Variants in EMC10 observed in about 807,000 individuals in gnomAD.
EMC10 encodes the protein ER membrane protein complex subunit 10.
EMC10 carries 40 observed loss-of-function variants against 32.2 expected under a neutral mutation model. The ratio of observed to expected loss-of-function variants is 1.24; its 90% CI spans 0.96 to 1.61. EMC10 has a LOEUF of 1.61. Ranked by LOEUF, EMC10 falls within the 40% of genes most tolerant of loss-of-function variation. EMC10 has a pLI of 0.00. For synonymous variants in EMC10, 178 were observed against 158.4 expected (o/e 1.12, Z -0.93); for missense variants, 402 against 357.7 (o/e 1.12, Z -1.00).
rs375662086 is a variant in EMC10, at chr19:50,480,786, C to T, written c.584+24C>T. The T allele has an allele frequency of 1.1e-4, 173 of 1,570,982 alleles. No homozygotes were observed. Among genetic ancestry groups the T allele is most frequent in the South Asian group, 5.2e-4 (44 of 84,378 alleles). ...GGGTGAGCCTCTGCTGCCTTCGCGG[C>T]GCTCTTGCCACCTGCCCCGGCCCTT... On this transcript the variant is annotated intron_variant, in intron 5 of 6. Transcript: ENST00000334976. The surrounding 1 kb of genome is among the most constrained non-coding windows in gnomAD (Gnocchi z 4.4).
chr19:50,481,130 T>C (rs578151972), intron 6 of EMC10, 153 bp downstream of exon 6: 2 of 624,852 alleles, frequency 3.2e-6, no homozygotes, highest in East Asian at 5.8e-5. Context: ...GGGCTGAGGC[T>C]TGTTTGCAGG....
intron 2 of EMC10, among the ~76,000 whole-genome samples, 174 bp downstream of exon 2, chr19:50,478,175 C>G (rs536204492): frequency 6.6e-6 from 1 of 152,164 alleles, no homozygotes; most frequent in South Asian, 2.1e-4. Flanking sequence ...CTTTAAATGC[C>G]CCCTTGCCTG....
In EMC10 at chr19:50,481,686, AC is replaced by A. The variant is rs2040321396; in HGVS notation, c.679-460del. The A allele has an allele frequency of 5.0e-6, 3 of 596,584 alleles. No individual in the cohort carries two copies. The East Asian group carries it at 9.0e-5, about 18-fold the overall frequency. 37.0% of individuals were successfully genotyped at this position (596,584 alleles called of 1,614,324 possible). A position where few individuals can be genotyped will look rare whatever the true frequency, so the allele number is the denominator to read the frequency against. On this transcript the variant is annotated intron_variant, in intron 6 of 6. Transcript: ENST00000334976. The stretch of plus-strand genomic sequence containing the variant: ...GCTGAGTGCCCTGCCTGAGGGCCTC[AC>A]CCGCTCCGCCTGGATAGTCCAACAG...
Position 50,480,300 on chromosome 19 carries a change from G to A in EMC10, c.402+85G>A. ...TCCTGCTTCCACCATTCGAACCCCT[G>A]TGTTTCTGGAGCCCGCAGAGGCCTG... On this transcript the variant is annotated intron_variant, in intron 4 of 6. Coordinates refer to ENST00000334976, the MANE Select transcript of EMC10 (RefSeq NM_206538.4). This position sits in a 1 kb window ranked among gnomAD's most constrained non-coding sequence, Gnocchi z 4.4. The A allele has an allele frequency of 1.5e-6, 2 of 1,378,378 alleles. No individual in the cohort carries two copies. Among genetic ancestry groups the A allele is most frequent in the East Asian group, 2.4e-5 (1 of 41,066 alleles). 85.4% of individuals were successfully genotyped at this position (1,378,378 alleles called of 1,614,324 possible).
rs948999880 is a variant in EMC10, at chr19:50,487,320, G to T, written c.*5061G>T. On this transcript the variant is annotated 3_prime_UTR_variant, in exon 7 of 7. Transcript: ENST00000334976. ...TCACTGAGCTCAGATAGGAGGCCAG[G>T]GATCGGCAGATTCAGGAGCCCACTC... 6.6e-6 allele frequency: 1 copy of T among 152,256 alleles called. No individual in the cohort carries two copies. The highest frequency in any genetic ancestry group is 1.5e-5 in the Non-Finnish European group (1 of 68,100). The allele number at this position is 152,256 out of a possible 1,614,324, so 9.4% of individuals were successfully genotyped here.
Position 50,480,962 on chromosome 19 carries a change from C to T in EMC10, c.663C>T (p.Ser221=), listed in dbSNP as rs2040310964. ...CCAAGAACCCCCAGGAGCAGAAGTC[C>T]TTCTTCGCCAAATACGTGAGTGGGG... ...QKAKNPQEQK[S]FFAKYWMYII... The change falls in exon 6 of 7, where the codon TCC becomes TCT. Residue 221 remains serine (S), a synonymous_variant. Coordinates refer to ENST00000334976, the MANE Select transcript of EMC10 (RefSeq NM_206538.4). The surrounding 1 kb of genome is among the most constrained non-coding windows in gnomAD (Gnocchi z 4.4). The T allele has an allele frequency of 1.9e-6, 3 of 1,612,092 alleles. No individual in the cohort carries two copies. Among genetic ancestry groups the T allele is most frequent in the East Asian group, 2.2e-5 (1 of 44,828 alleles).
At chr19:50,476,737 G>A in intron 1 of EMC10, 79 bp downstream of exon 1, 1 of 902,180 alleles carries the variant, frequency 1.1e-6, no homozygotes, top group Non-Finnish European at 1.6e-6. Flanking sequence ...AGTTACAGAC[G>A]GAAGGAGGCT....
rs761738375 is a variant in EMC10, at chr19:50,476,635, C to T, written c.91C>T (p.Arg31Trp). The T allele has an allele frequency of 1.9e-5, 29 of 1,544,508 alleles. No individual in the cohort carries two copies. The Admixed American group carries it at 5.2e-4, about 28-fold the overall frequency. ...APSRARGSGC[R>W]AGTGARGAGA... ...CAGTCGAGCCCGGGGCAGCGGCTGC[C>T]GGGCCGGGACTGGTGCGCGAGGGGT... Residue 31 changes from arginine (R) to tryptophan (W), a missense_variant, in exon 1 of 7, where the codon CGG (arginine) becomes TGG (tryptophan). Transcript: ENST00000334976.
chr19:50,480,715 G>T lies in EMC10; in HGVS notation c.537G>T (p.Glu179Asp). ...ATGAGGTGGAGGACGTGGACCTGGA[G>T]CTGTTCAACACCTCGGTGCAGCTGC... is the stretch of plus-strand genomic sequence containing the variant. ...RGHEVEDVDL[E>D]LFNTSVQLQP... The change falls in exon 5 of 7, where the codon GAG (glutamate) becomes GAT (aspartate). Residue 179 changes from glutamate to aspartate, a missense_variant. Transcript: ENST00000334976. The surrounding 1 kb of genome is among the most constrained non-coding windows in gnomAD (Gnocchi z 4.4). 6.2e-7 allele frequency: 1 copy of T among 1,606,366 alleles called. No homozygotes were observed. Among genetic ancestry groups the T allele is most frequent in the Non-Finnish European group, 8.5e-7 (1 of 1,177,454 alleles).
rs1184719617 is a variant in EMC10, at chr19:50,482,808, T to C, written c.*549T>C. 1.5e-5 allele frequency: 8 copies of C among 526,252 alleles called. No homozygotes were observed. Among genetic ancestry groups the C allele is most frequent in the Non-Finnish European group, 2.3e-5 (7 of 299,164 alleles). The allele number at this position is 526,252 out of a possible 1,614,324, so 32.6% of individuals were successfully genotyped here. The stretch of plus-strand genomic sequence containing the variant: ...GGCAGAGGCATGAAAGAGTCGGGGC[T>C]GGATGGCCGGGGGCTTCTGGGCCCG... On this transcript the variant is annotated 3_prime_UTR_variant, in exon 7 of 7. Coordinates refer to ENST00000334976, the MANE Select transcript of EMC10 (RefSeq NM_206538.4).
intron 3 of EMC10, 124 bp from the exon 4 acceptor site, chr19:50,479,987 G>T: frequency 1.3e-6 from 1 of 759,726 alleles, no homozygotes; most frequent in Non-Finnish European, 2.1e-6. Context: ...TGGCTGGCCT[G>T]GGGAGTGTGG....
intron 1 of EMC10, among the ~76,000 whole-genome samples, chr19:50,477,643 T>C (rs2040249446): frequency 6.6e-6 from 1 of 152,172 alleles, no homozygotes; most frequent in African/African-American, 2.4e-5. Context: ...GTCATTTAAC[T>C]CATGAGTATT....
Position 50,489,081 on chromosome 19 carries a change from G to A in EMC10, c.*6822G>A, listed in dbSNP as rs1978510456. 6.7e-6 allele frequency: 1 copy of A among 150,272 alleles called. No homozygotes were observed. Among genetic ancestry groups the A allele is most frequent in the Admixed American group, 6.6e-5 (1 of 15,102 alleles). The allele number at this position is 150,272 out of a possible 1,614,324, so 9.3% of individuals were successfully genotyped here. A position where few individuals can be genotyped will look rare whatever the true frequency, so the allele number is the denominator to read the frequency against. ...AGATAGGGGAAAAGAGAAAAGGAGG[G>A]TAGGAGAGGGCTGGAGAGAGAAGGG... On this transcript the variant is annotated 3_prime_UTR_variant, in exon 7 of 7. Coordinates refer to ENST00000334976, the MANE Select transcript of EMC10 (RefSeq NM_206538.4).
At position 50,480,876 on chromosome 19, in the gene EMC10, T is replaced by C. The variant is rs539247639; in HGVS notation, c.585-8T>C. Reference sequence around the variant, plus strand: ...CCTCACCCTTCTCCTCCTCTCCCCTTGCCCCAGCCCTGAGACGGCGGCCTT... The same window carrying C: ...CCTCACCCTTCTCCTCCTCTCCCCTCGCCCCAGCCCTGAGACGGCGGCCTT... On this transcript the variant is annotated splice_polypyrimidine_tract_variant and splice_region_variant and intron_variant, in intron 5 of 6. Coordinates refer to ENST00000334976, the MANE Select transcript of EMC10 (RefSeq NM_206538.4). This position sits in a 1 kb window ranked among gnomAD's most constrained non-coding sequence, Gnocchi z 4.4. The C allele has an allele frequency of 6.3e-7, 1 of 1,597,598 alleles. No homozygotes were observed. The highest frequency in any genetic ancestry group is 8.6e-7 in the Non-Finnish European group (1 of 1,169,198).
At position 50,486,547 on chromosome 19, in the gene EMC10, G is replaced by A. The variant is rs900511124; in HGVS notation, c.*4288G>A. 18 of 152,050 alleles carry A rather than the reference G, an allele frequency of 1.2e-4. No individual in the cohort carries two copies. The highest frequency in any genetic ancestry group is 3.9e-4 in the African/African-American group (16 of 41,386). 9.4% of individuals were successfully genotyped at this position (152,050 alleles called of 1,614,324 possible). ...GGTAAGGATTAGGGGCTAATTACTGGTGCCTCTTCAGCTGTCAGTCCATCC... is the reference window on the plus strand; with the variant it reads ...GGTAAGGATTAGGGGCTAATTACTGATGCCTCTTCAGCTGTCAGTCCATCC... On this transcript the variant is annotated 3_prime_UTR_variant, in exon 7 of 7. Transcript: ENST00000334976.
rs1568689790 is a variant in EMC10, at chr19:50,485,213, G to C, written c.*2954G>C. ...GCCCGGTGGGGCCCCACCTTGCTGG[G>C]GGAGAGGGATGTGTGTGTGATGGTG... On this transcript the variant is annotated 3_prime_UTR_variant, in exon 7 of 7. Coordinates refer to ENST00000334976, the MANE Select transcript of EMC10 (RefSeq NM_206538.4). The C allele has an allele frequency of 6.6e-6, 1 of 152,194 alleles. No individual in the cohort carries two copies. The highest frequency in any genetic ancestry group is 1.5e-5 in the Non-Finnish European group (1 of 68,080). The allele number at this position is 152,194 out of a possible 1,614,324, so 9.4% of individuals were successfully genotyped here.
chr19:50,477,931 T>C lies in EMC10; in HGVS notation c.117T>C (p.Ala39=). 1.3e-6 allele frequency: 2 copies of C among 1,598,292 alleles called. No individual in the cohort carries two copies. Among genetic ancestry groups the C allele is most frequent in the Non-Finnish European group, 1.7e-6 (2 of 1,175,202 alleles). The change falls in exon 2 of 7, where the codon GCT becomes GCC. Residue 39 remains alanine, a splice_region_variant and synonymous_variant. Transcript: ENST00000334976. ...GGGGCCTTCTGTGTCCTCTGCAGGC[T>C]GGGGCGGAAGGTCGAGAGGGCGAGG... ...GCRAGTGARG[A]GAEGREGEAC...
chr19:50,476,721 T>G (rs528745995), intron 1 of EMC10, 63 bp downstream of exon 1: 6 of 1,059,648 alleles, frequency 5.7e-6, no homozygotes, highest in Non-Finnish European at 7.8e-6. Context: ...CTTGGGTCTT[T>G]AGGTGAGTTA....
In EMC10 at chr19:50,481,194, G is replaced by A. The variant is rs1045617882; in HGVS notation, c.678+217G>A. 9 of 522,420 alleles carry A rather than the reference G, an allele frequency of 1.7e-5. No individual in the cohort carries two copies. In the Admixed American group the frequency reaches 3.2e-4, roughly 19 times the overall value. The allele number at this position is 522,420 out of a possible 1,614,324, so 32.4% of individuals were successfully genotyped here. A position where few individuals can be genotyped will look rare whatever the true frequency, so the allele number is the denominator to read the frequency against. Reference sequence around the variant, plus strand: ...GGTCGGGCCAGCTCTAGGGCGCAGGGTCCTGGGGGAGGTCTCGGCCTGAGC... The same window carrying A: ...GGTCGGGCCAGCTCTAGGGCGCAGGATCCTGGGGGAGGTCTCGGCCTGAGC... On this transcript the variant is annotated intron_variant, in intron 6 of 6. Coordinates refer to ENST00000334976, the MANE Select transcript of EMC10 (RefSeq NM_206538.4).
Sources: gnomAD v4.1 joint callset for allele counts (sites outside exome capture counted in the v4.1 genomes callset) on GRCh38, gnomAD v4.1.1 for gene constraint, Gnocchi (gnomAD v3.1) non-coding constraint, MANE v1.5 for transcripts, NCBI Gene and HGNC (gene_info 2026-07-23, HGNC 2026-07-21) for gene names.